RP1L1: variants seen among roughly 807,000 people sequenced by gnomAD.
RP1L1 encodes RP1 like 1.
A neutral mutation model predicts 15.7 loss-of-function variants in RP1L1; 27 were observed. The ratio of observed to expected loss-of-function variants is 1.72; its 90% CI spans 1.27 to 2.38. RP1L1 has a LOEUF of 2.38. Among genes scored for constraint, RP1L1 ranks in the 30% most tolerant of loss-of-function variants. The pLI is 0.00. For missense variants in RP1L1, 4,798 were observed against 3,075.9 expected (o/e 1.56, Z -13.24); for synonymous variants, 1,813 against 1,276.7 (o/e 1.42, Z -8.96).
Position 10,623,070 on chromosome 8 carries a change from T to C in RP1L1, c.132A>G (p.Pro44=). 6.2e-7 allele frequency: 1 copy of C among 1,614,082 alleles called. No individual in the cohort carries two copies. The highest frequency in any genetic ancestry group is 8.5e-7 in the Non-Finnish European group (1 of 1,180,022). ...KKITFLKRGD[P]RFAGVRLAVH... ...CGGCCAGGCGGACCCCAGCAAACCGTGGATCCCCTCGCTTGAGGAAGGTGA... is the reference window on the plus strand; with the variant it reads ...CGGCCAGGCGGACCCCAGCAAACCGCGGATCCCCTCGCTTGAGGAAGGTGA... The change falls in exon 2 of 4, where the codon CCA becomes CCG. Residue 44 remains proline (P), a synonymous_variant. Coordinates refer to ENST00000382483, the MANE Select transcript of RP1L1 (RefSeq NM_178857.6).
intron 2 of RP1L1, among the ~76,000 whole-genome samples, chr8:10,618,116 G>A (rs140201375): frequency 2.3e-4 from 35 of 152,302 alleles, no homozygotes; most frequent in African/African-American, 8.2e-4. Context: ...AAGCATTGAT[G>A]TTGGCTCTCT....
intron 1 of RP1L1, among the ~76,000 whole-genome samples, chr8:10,646,736 A>G (rs1798484107): frequency 6.6e-6 from 1 of 152,056 alleles, no homozygotes; most frequent in African/African-American, 2.4e-5. Context: ...CAGCTCAACC[A>G]CCTACTAGCT....
At chr8:10,644,268 C>A (rs1798445110) in intron 1 of RP1L1, among the ~76,000 whole-genome samples, 1 of 148,770 alleles carries the variant, frequency 6.7e-6, no homozygotes, top group Non-Finnish European at 1.5e-5. Context: ...TCACATCACA[C>A]CTCCAGACCT....
chr8:10,619,650 G>C (rs1354029701), intron 2 of RP1L1, among the ~76,000 whole-genome samples: 1 of 152,084 alleles, frequency 6.6e-6, no homozygotes, highest in Non-Finnish European at 1.5e-5. Context: ...GAGAGGGCTG[G>C]GCACAGTGGC....
At position 10,609,360 on chromosome 8, in the gene RP1L1, G is replaced by T. The variant is rs1425568069; in HGVS notation, c.4738C>A (p.Gln1580Lys). 6.2e-7 allele frequency: 1 copy of T among 1,612,454 alleles called. No homozygotes were observed. Among genetic ancestry groups the T allele is most frequent in the African/African-American group, 1.3e-5 (1 of 74,992 alleles). Residue 1580 changes from glutamine (Q) to lysine (K), a missense_variant, in exon 4 of 4, where the codon CAG (glutamine) becomes AAG (lysine). Coordinates refer to ENST00000382483, the MANE Select transcript of RP1L1 (RefSeq NM_178857.6). ...DSTKRELQKL[Q>K]GRAGRMVLEP... ...AGCACCATCCTACCCGCCCGGCCCT[G>T]GAGCTTCTGGAGCTCTCTCTTGGTG...
In RP1L1 at chr8:10,611,250, G is replaced by A. The variant is rs200245949; in HGVS notation, c.2848C>T (p.Arg950Cys). 6.3e-5 allele frequency: 102 copies of A among 1,612,888 alleles called. No homozygotes were observed. The Admixed American group carries it at 1.0e-3, about 16-fold the overall frequency. ...ASGVSPSSLPRSSPEAVVREW... is the reference protein window; with the variant it reads ...ASGVSPSSLPCSSPEAVVREW... ...CGGACCACAGCCTCTGGAGACGAGCGGGGCAGAGAGCTGGGTGACACACCA... is the reference window on the plus strand; with the variant it reads ...CGGACCACAGCCTCTGGAGACGAGCAGGGCAGAGAGCTGGGTGACACACCA... Residue 950 changes from arginine (R) to cysteine (C), a missense_variant, in exon 4 of 4, where the codon CGC becomes TGC. Physicochemically the swap from Arg to Cys is radical, Grantham distance 180. Coordinates refer to ENST00000382483, the MANE Select transcript of RP1L1 (RefSeq NM_178857.6).
rs1214853104 is a variant in RP1L1 at position 10,623,232 on chromosome 8, C to T, written c.-19-12G>A. 2.6e-6 allele frequency: 4 copies of T among 1,519,966 alleles called. No individual in the cohort carries two copies. In the East Asian group the frequency reaches 6.8e-5, roughly 26 times the overall value. The allele number at this position is 1,519,966 out of a possible 1,614,324, so 94.2% of individuals were successfully genotyped here. On this transcript the variant is annotated splice_polypyrimidine_tract_variant and intron_variant, in intron 1 of 3. Transcript: ENST00000382483. ...GGGGGCTCTGGCCGCTGTAACAGGG[C>T]AGAGGAAGAGGGGTCAGAGAGCAGC...
intron 1 of RP1L1, among the ~76,000 whole-genome samples, chr8:10,653,006 C>G (rs1798584935): frequency 6.6e-6 from 1 of 152,204 alleles, no homozygotes; most frequent in Non-Finnish European, 1.5e-5. Flanking sequence ...AACTCCGGGT[C>G]TGAGGCAGGG....
Position 10,612,436 on chromosome 8 carries a change from G to A in RP1L1, c.1662C>T (p.Gly554=). 6.2e-7 allele frequency: 1 copy of A among 1,612,648 alleles called. No homozygotes were observed. The highest frequency in any genetic ancestry group is 8.5e-7 in the Non-Finnish European group (1 of 1,180,020). Residue 554 remains glycine, a synonymous_variant, in exon 4 of 4, where the codon GGC becomes GGT. Transcript: ENST00000382483. The stretch of plus-strand genomic sequence containing the variant: ...TCTCGGCCCTTGCCTTGCCTGGACA[G>A]CCCTGGGGCCGCCCACCCCATTCGC... ...GSSEWGGRPQ[G]CPGKARAETS... is the part of the protein sequence containing the mutation.
intron 1 of RP1L1, among the ~76,000 whole-genome samples, chr8:10,631,717 T>C (rs1019790345): frequency 2.6e-5 from 4 of 152,148 alleles, no homozygotes; most frequent in African/African-American, 7.2e-5. Flanking sequence ...GGGTTCTCTC[T>C]GCCAGTGCCG....
intron 1 of RP1L1, among the ~76,000 whole-genome samples, chr8:10,647,497 C>A (rs1226088015): frequency 6.6e-6 from 1 of 152,188 alleles, no homozygotes; most frequent in African/African-American, 2.4e-5. Context: ...ATCCTCATTT[C>A]TCCTCTCCCC....
At position 10,609,935 on chromosome 8, in the gene RP1L1, T is replaced by C. The variant is rs1797798668; in HGVS notation, c.4163A>G (p.Glu1388Gly). The C allele has an allele frequency of 6.3e-7, 1 of 1,591,394 alleles. No homozygotes were observed. Among genetic ancestry groups the C allele is most frequent in the African/African-American group, 1.4e-5 (1 of 72,648 alleles). Reference sequence around the variant, plus strand: ...CTCTTTGAGACCCTCTTCAAGAGCCTCTCCTTGCAGTCCTCCTTCTGGCCC... The same window carrying C: ...CTCTTTGAGACCCTCTTCAAGAGCCCCTCCTTGCAGTCCTCCTTCTGGCCC... ...KEGPEGGLQG[E>G]ALEEGLKEEG... is the part of the protein sequence containing the mutation. Residue 1388 changes from glutamate (E) to glycine (G), a missense_variant, in exon 4 of 4, where the codon GAG (glutamate) becomes GGG (glycine). Coordinates refer to ENST00000382483, the MANE Select transcript of RP1L1 (RefSeq NM_178857.6).
chr8:10,616,890 T>C (rs1048242594), intron 2 of RP1L1, among the ~76,000 whole-genome samples: 6 of 152,160 alleles, frequency 3.9e-5, no homozygotes, highest in Non-Finnish European at 8.8e-5. Flanking sequence ...GTAGGCCGCA[T>C]TTCTGCCCAC....
In RP1L1 at chr8:10,639,757, C is replaced by A. The variant is rs553003640; in HGVS notation, c.-20+15141G>T. ...TTCATGACCTCCGGGAAAGTTTGAC[C>A]GAACCGTACATAGACTACCTTTATT... On this transcript the variant is annotated intron_variant, in intron 1 of 3. Coordinates refer to ENST00000382483, the MANE Select transcript of RP1L1 (RefSeq NM_178857.6). 1.6e-4 allele frequency among the ~76,000 whole-genome samples: 24 copies of A among 152,136 alleles called. 1 individual carries two copies. Among genetic ancestry groups the A allele is most frequent in the African/African-American group, 5.3e-4 (22 of 41,490 alleles).
chr8:10,639,179 G>A (rs754891714), intron 1 of RP1L1, among the ~76,000 whole-genome samples: 17 of 151,772 alleles, frequency 1.1e-4, no homozygotes, highest in Non-Finnish European at 2.2e-4. Flanking sequence ...AAAGAGAGCA[G>A]GCATTGCCTC....
At position 10,607,271 on chromosome 8, in the gene RP1L1, C is replaced by G; in HGVS notation, c.6827G>C (p.Arg2276Thr). ...SESSSPVPED[R>T]PTPPPSPGGD... ...ACCTGGGGAAGGGGGTGGAGTGGGCCTGTCCTCAGGGACTGGGCTGCTGCT... is the reference window on the plus strand; with the variant it reads ...ACCTGGGGAAGGGGGTGGAGTGGGCGTGTCCTCAGGGACTGGGCTGCTGCT... The change falls in exon 4 of 4, where the codon AGG (arginine) becomes ACG (threonine). Residue 2276 changes from arginine to threonine, a missense_variant. By Grantham distance (71) the Arg-to-Thr change is moderately conservative. Coordinates refer to ENST00000382483, the MANE Select transcript of RP1L1 (RefSeq NM_178857.6). 6.2e-7 allele frequency: 1 copy of G among 1,614,232 alleles called. No homozygotes were observed. Among genetic ancestry groups the G allele is most frequent in the Non-Finnish European group, 8.5e-7 (1 of 1,180,030 alleles).
intron 2 of RP1L1, among the ~76,000 whole-genome samples, chr8:10,618,819 A>AC: frequency 6.6e-6 from 1 of 152,124 alleles, no homozygotes. Context: ...GCTTTCCAGT[A>AC]CTGCAGAGGT....
intron 2 of RP1L1, among the ~76,000 whole-genome samples, chr8:10,617,484 A>C (rs1308834080): frequency 6.8e-6 from 1 of 147,374 alleles, no homozygotes; most frequent in Non-Finnish European, 1.5e-5. Flanking sequence ...GTTGTGCACC[A>C]GATCTTTCAG....
intron 1 of RP1L1, among the ~76,000 whole-genome samples, chr8:10,632,405 A>G (rs1798266175): frequency 6.6e-6 from 1 of 152,166 alleles, no homozygotes; most frequent in East Asian, 1.9e-4. Context: ...CATTTAACTC[A>G]TTGGTAACAA....
Sources: allele counts gnomAD v4.1 joint callset (sites outside exome capture counted in the v4.1 genomes callset), GRCh38; gene constraint gnomAD v4.1.1; transcripts MANE v1.5; gene names NCBI Gene and HGNC (gene_info 2026-07-23, HGNC 2026-07-21).